PDLIM1: variants seen among roughly 807,000 people sequenced by gnomAD.
The protein encoded by PDLIM1 is PDZ and LIM domain protein 1.
Under a neutral mutation model 35.2 loss-of-function variants are expected in PDLIM1, and 25 were observed. That is an observed-to-expected ratio of 0.71 (90% CI 0.52 to 0.99). PDLIM1 has a LOEUF of 0.99. Among genes scored for constraint, PDLIM1 ranks in the 50% least tolerant of loss-of-function variants. PDLIM1 has a pLI of 0.00. For synonymous variants in PDLIM1, 152 were observed against 154.0 expected, an observed-to-expected ratio of 0.99 and a Z score of 0.10; for missense variants, 363 against 415.3, an observed-to-expected ratio of 0.87 and a Z score of 1.09.
chr10:95,271,149 G>C (rs1408464316), intron 2 of PDLIM1, among the ~76,000 whole-genome samples: 2 of 151,942 alleles, frequency 1.3e-5, no homozygotes, highest in African/African-American at 4.8e-5. Flanking sequence ...GTGAAAATCA[G>C]AGGGGGGCTG....
At chr10:95,267,205 C>T (rs2035423854) in intron 3 of PDLIM1, among the ~76,000 whole-genome samples, 1 of 152,050 alleles carries the variant, frequency 6.6e-6, no homozygotes, top group African/African-American at 2.4e-5. Flanking sequence ...ATACAGGTAA[C>T]TACAGATTTA....
intron 4 of PDLIM1, among the ~76,000 whole-genome samples, chr10:95,253,925 CT>C (rs902372254): frequency 6.6e-6 from 1 of 152,016 alleles, no homozygotes; most frequent in African/African-American, 2.4e-5. Context: ...CGCCAGTAAA[CT>C]GTGATAAGTT....
At chr10:95,275,156 C>T (rs374552234) in intron 1 of PDLIM1, among the ~76,000 whole-genome samples, 1 of 152,186 alleles carries the variant, frequency 6.6e-6, no homozygotes, top group Non-Finnish European at 1.5e-5. Context: ...GGATGCCCCC[C>T]GACCAAGATG....
At chr10:95,264,121 G>A (rs1858219328) in intron 3 of PDLIM1, 58 bp from the exon 4 acceptor site, 1 of 1,437,122 alleles carries the variant, frequency 7.0e-7, no homozygotes, top group Non-Finnish European at 9.8e-7. Flanking sequence ...ACCCCTTGAT[G>A]GGCAGTGCAG....
chr10:95,264,317 C>T (rs938626441), intron 3 of PDLIM1, among the ~76,000 whole-genome samples: 2 of 152,136 alleles, frequency 1.3e-5, no homozygotes, highest in African/African-American at 2.4e-5. Flanking sequence ...TCCTTGAGGC[C>T]CAGCAAAGCC....
chr10:95,246,199 G>A (rs944654065), intron 5 of PDLIM1, among the ~76,000 whole-genome samples: 1 of 152,218 alleles, frequency 6.6e-6, no homozygotes, highest in African/African-American at 2.4e-5. Context: ...GGAAAAGACT[G>A]CCCATGAGCA....
intron 4 of PDLIM1, among the ~76,000 whole-genome samples, chr10:95,249,214 CT>C (rs1267440459): frequency 1.3e-5 from 2 of 152,218 alleles, no homozygotes; most frequent in African/African-American, 2.4e-5. Context: ...TGTGCTCCCC[CT>C]GTTCCTGCAG....
intron 1 of PDLIM1, among the ~76,000 whole-genome samples, chr10:95,286,232 C>G (rs1415467461): frequency 1.3e-5 from 2 of 152,160 alleles, no homozygotes; most frequent in Admixed American, 1.3e-4. Flanking sequence ...TGGCTCATGC[C>G]TGTGATCCCA....
intron 1 of PDLIM1, 64 bp from the exon 2 acceptor site, chr10:95,271,848 G>A (rs1217340567): frequency 1.3e-6 from 2 of 1,512,966 alleles, no homozygotes; most frequent in Non-Finnish European, 1.8e-6. Flanking sequence ...TTACCACCAA[G>A]TTAAGTATTC....
chr10:95,268,459 C>T (rs1403478181), intron 3 of PDLIM1, among the ~76,000 whole-genome samples: 2 of 152,196 alleles, frequency 1.3e-5, no homozygotes, highest in Non-Finnish European at 2.9e-5. Context: ...AAATCCATAA[C>T]GAGCTGAATA....
intron 4 of PDLIM1, among the ~76,000 whole-genome samples, chr10:95,253,656 T>TA (rs67230953): frequency 0.19 from 26,851 of 140,848 alleles, 2,489 homozygotes; most frequent in Middle Eastern, 0.29. Flanking sequence ...GACTCTGTCT[T>TA]AAAAAAAAAA....
rs45498494 is a variant in PDLIM1, at chr10:95,272,744, A to ATAGG, written c.97-964_97-961dup. Among the ~76,000 whole-genome samples, 1,035 of 152,308 alleles carry ATAGG rather than the reference A, an allele frequency of 6.8e-3. 9 individuals carry two copies. Among genetic ancestry groups the ATAGG allele is most frequent in the African/African-American group, 0.024 (1,003 of 41,554 alleles). ...CAAGGATATCCTAAAGTATGGTAGT[A>ATAGG]TAGGTTTATACTGGTTTAATCTCCC... On this transcript the variant is annotated intron_variant, in intron 1 of 6. Coordinates refer to ENST00000329399, the MANE Select transcript of PDLIM1 (RefSeq NM_020992.4).
At chr10:95,256,818 C>CA (rs1022738998) in intron 4 of PDLIM1, among the ~76,000 whole-genome samples, 5 of 150,728 alleles carry the variant, frequency 3.3e-5, no homozygotes, top group South Asian at 2.1e-4. Flanking sequence ...CCAAAAACTA[C>CA]AAAAAAATTA....
chr10:95,272,003 G>C (rs528854177), intron 1 of PDLIM1, among the ~76,000 whole-genome samples: 1 of 152,050 alleles, frequency 6.6e-6, no homozygotes, highest in Non-Finnish European at 1.5e-5. Flanking sequence ...GAGAAAGGAG[G>C]ACAAATAGCA....
intron 4 of PDLIM1, 35 bp downstream of exon 4, chr10:95,263,829 G>A (rs1404019077): frequency 1.3e-6 from 2 of 1,550,268 alleles, no homozygotes. Flanking sequence ...GCCCCTCCCA[G>A]GAGCGGCTCA....
intron 4 of PDLIM1, among the ~76,000 whole-genome samples, chr10:95,254,605 A>T (rs2035294652): frequency 6.6e-6 from 1 of 152,190 alleles, no homozygotes; most frequent in Admixed American, 6.5e-5. Flanking sequence ...ATAATCAGAG[A>T]GGATACAGAA....
At chr10:95,248,619 C>T (rs2035242661) in intron 4 of PDLIM1, among the ~76,000 whole-genome samples, 1 of 152,224 alleles carries the variant, frequency 6.6e-6, no homozygotes, top group Non-Finnish European at 1.5e-5. Flanking sequence ...TGACTTAGCA[C>T]AAAATATTTA....
At chr10:95,283,189 G>A (rs148929949) in intron 1 of PDLIM1, among the ~76,000 whole-genome samples, 11 of 152,252 alleles carry the variant, frequency 7.2e-5, no homozygotes, top group Middle Eastern at 3.4e-3. Flanking sequence ...TGCCTGGCAC[G>A]TAATAAACAC....
intron 4 of PDLIM1, among the ~76,000 whole-genome samples, chr10:95,248,626 T>C (rs1371728502): frequency 2.0e-5 from 3 of 152,258 alleles, no homozygotes; most frequent in African/African-American, 7.2e-5. Context: ...GCACAAAATA[T>C]TTAGTTTTAA....
Sources: gnomAD v4.1 joint callset for allele counts (sites outside exome capture counted in the v4.1 genomes callset) on GRCh38, gnomAD v4.1.1 for gene constraint, MANE v1.5 for transcripts, NCBI Gene and HGNC (gene_info 2026-07-23, HGNC 2026-07-21) for gene names.